The following TBCD variants were observed in gnomAD, a reference collection of about 807,000 sequenced individuals.
TBCD encodes tubulin-specific chaperone D.
In TBCD, 105 loss-of-function variants were observed where a neutral mutation model predicts 169.3. The ratio of observed to expected loss-of-function variants is 0.62; its 90% CI spans 0.53 to 0.73. The LOEUF is 0.73. Among genes scored for constraint, TBCD ranks in the 30% least tolerant of loss-of-function variants. TBCD has a pLI of 0.00. For synonymous variants in TBCD, 700 were observed against 643.9 expected, an observed-to-expected ratio of 1.09 and a Z score of -1.32; for missense variants, 1,444 against 1,600.1, an observed-to-expected ratio of 0.90 and a Z score of 1.66.
intron 7 of TBCD, among the ~76,000 whole-genome samples, chr17:82,796,921 T>C (rs1353246106): frequency 6.6e-6 from 1 of 152,184 alleles, no homozygotes. Context: ...CATTTTTCCG[T>C]GTGGTGGGCG....
At chr17:82,813,655 CAT>C (rs1196684524) in intron 12 of TBCD, among the ~76,000 whole-genome samples, 1 of 152,320 alleles carries the variant, frequency 6.6e-6, no homozygotes, top group South Asian at 2.1e-4. Flanking sequence ...TTGTCAAGTT[CAT>C]TCAGATGTTA....
At chr17:82,860,614 C>T (rs2056675204) in intron 13 of TBCD, among the ~76,000 whole-genome samples, 1 of 152,196 alleles carries the variant, frequency 6.6e-6, no homozygotes, top group African/African-American at 2.4e-5. Context: ...AGTGGAGAGC[C>T]AGCAGACGCC....
chr17:82,830,031 G>T, intron 13 of TBCD: 2 of 1,519,334 alleles, frequency 1.3e-6, no homozygotes, highest in Non-Finnish European at 9.0e-7. Flanking sequence ...TTGAGAAGCA[G>T]CAGCTGCATT....
chr17:82,928,489 G>C (rs760534983), intron 30 of TBCD, among the ~76,000 whole-genome samples: 1 of 151,512 alleles, frequency 6.6e-6, no homozygotes, highest in East Asian at 1.9e-4. Context: ...TCTCTCTGTC[G>C]GGGGCACTGA....
rs148797097 is a variant in TBCD, at chr17:82,784,717, C to G, written c.771+2996C>G. The stretch of plus-strand genomic sequence containing the variant: ...CTTAATGTTTGTGATGCTGGGTGTA[C>G]AGACAGCCTCCCACATGACCAAGGA... On this transcript the variant is annotated intron_variant, in intron 7 of 38. Transcript: ENST00000355528. Among the ~76,000 whole-genome samples, 242 of 152,258 alleles carry G rather than the reference C, an allele frequency of 1.6e-3. 1 individual carries two copies. Among genetic ancestry groups the G allele is most frequent in the African/African-American group, 5.5e-3 (228 of 41,538 alleles).
At chr17:82,867,207 G>A (rs2057232991) in intron 13 of TBCD, among the ~76,000 whole-genome samples, 1 of 152,218 alleles carries the variant, frequency 6.6e-6, no homozygotes, top group Non-Finnish European at 1.5e-5. Flanking sequence ...CTCCCTTGGG[G>A]GCTTCTCACA....
chr17:82,776,758 C>T (rs900802049), intron 6 of TBCD, among the ~76,000 whole-genome samples: 1 of 152,152 alleles, frequency 6.6e-6, no homozygotes, highest in African/African-American at 2.4e-5. Flanking sequence ...GGTTCCAGGA[C>T]ACGAGAGTGG....
chr17:82,816,879 A>G, intron 13 of TBCD, among the ~76,000 whole-genome samples: 1 of 144,920 alleles, frequency 6.9e-6, no homozygotes, highest in Non-Finnish European at 1.5e-5. Context: ...AAGCCGTCCT[A>G]GTGAGTGTGA....
intron 13 of TBCD, chr17:82,830,824 A>G (rs1169538851): frequency 6.2e-7 from 1 of 1,613,242 alleles, no homozygotes; most frequent in South Asian, 1.1e-5. Flanking sequence ...GGCCTCCGAG[A>G]CGAGAGAGGC....
At chr17:82,926,975 T>G in intron 28 of TBCD, 1 of 670,820 alleles carries the variant, frequency 1.5e-6, no homozygotes, top group Non-Finnish European at 2.4e-6. Flanking sequence ...CCATCCACCT[T>G]TCAACCGGAG....
intron 6 of TBCD, among the ~76,000 whole-genome samples, chr17:82,776,408 C>CA (rs1223102731): frequency 6.6e-6 from 1 of 151,574 alleles, no homozygotes; most frequent in East Asian, 1.9e-4. Flanking sequence ...GACCCTGTCT[C>CA]AAAAAAAAGT....
At chr17:82,774,019 G>A (rs978306617) in intron 6 of TBCD, among the ~76,000 whole-genome samples, 15 of 150,288 alleles carry the variant, frequency 1.0e-4, no homozygotes, top group African/African-American at 4.9e-5. Flanking sequence ...GTGAGCCACC[G>A]CGCCTGGCCC....
chr17:82,872,091 A>G (rs1299800405), intron 14 of TBCD, among the ~76,000 whole-genome samples: 1 of 152,258 alleles, frequency 6.6e-6, no homozygotes, highest in Admixed American at 6.5e-5. Context: ...CTGGGTGTGC[A>G]GCACGTGGCC....
Position 82,930,672 on chromosome 17 carries a change from G to A in TBCD, c.3113+29G>A. The A allele has an allele frequency of 6.2e-7, 1 of 1,613,746 alleles. No individual in the cohort carries two copies. Among genetic ancestry groups the A allele is most frequent in the African/African-American group, 1.3e-5 (1 of 75,044 alleles). ...AGTGGTGTCTCTTGGGGCCTCAGAGGCGTGAGTGGTGCTGGTGCCTCTCAC... is the reference window on the plus strand; with the variant it reads ...AGTGGTGTCTCTTGGGGCCTCAGAGACGTGAGTGGTGCTGGTGCCTCTCAC... On this transcript the variant is annotated intron_variant, in intron 33 of 38. Coordinates refer to ENST00000355528, the MANE Select transcript of TBCD (RefSeq NM_005993.5). This position sits in a 1 kb window ranked among gnomAD's most constrained non-coding sequence, Gnocchi z 5.2.
intron 17 of TBCD, among the ~76,000 whole-genome samples, chr17:82,894,389 G>C (rs1408847264): frequency 6.6e-6 from 1 of 152,142 alleles, no homozygotes; most frequent in Admixed American, 6.5e-5. Context: ...GTGACTTTAT[G>C]AAGTGATTTA....
chr17:82,909,817 G>A (rs2060501325), intron 22 of TBCD, among the ~76,000 whole-genome samples: 1 of 152,250 alleles, frequency 6.6e-6, no homozygotes, highest in Admixed American at 6.5e-5. Flanking sequence ...GCAGGGGTGT[G>A]GCCTCCCCAA....
intron 13 of TBCD, among the ~76,000 whole-genome samples, chr17:82,863,136 T>C (rs1209203929): frequency 2.0e-5 from 3 of 152,224 alleles, no homozygotes; most frequent in African/African-American, 7.2e-5. Context: ...GGGACCAAGC[T>C]GTGGGAACCA....
rs962801098 is a variant in TBCD at position 82,807,810 on chromosome 17, C to T, written c.1148+142C>T. On this transcript the variant is annotated intron_variant, in intron 11 of 38. Transcript: ENST00000355528. ...CCTCCAACTTATGTGTGTTGCTTTA[C>T]GTGTTGGCGTGAAGATGGTTCCCGA... The T allele has an allele frequency of 1.3e-5, 7 of 548,536 alleles. 1 individual carries two copies. In the South Asian group the frequency reaches 1.7e-4, roughly 13 times the overall value. 34.0% of individuals were successfully genotyped at this position (548,536 alleles called of 1,614,324 possible). A position where few individuals can be genotyped will look rare whatever the true frequency, so the allele number is the denominator to read the frequency against.
rs561377566 is a variant in TBCD, at chr17:82,905,840, C to T, written c.1805-96C>T. The T allele has an allele frequency of 8.3e-5, 80 of 961,064 alleles. 1 individual carries two copies. The highest frequency in any genetic ancestry group is 1.2e-4 in the Non-Finnish European group (76 of 637,688). 59.5% of individuals were successfully genotyped at this position (961,064 alleles called of 1,614,324 possible). On this transcript the variant is annotated intron_variant, in intron 19 of 38. Transcript: ENST00000355528. ...GGCCGTCCGTGTGTGCACGCCGTCG[C>T]CTGCCCTCCCGGCCCTGTGTGGGTG... is the stretch of plus-strand genomic sequence containing the variant.
Sources: allele counts gnomAD v4.1 joint callset (sites outside exome capture counted in the v4.1 genomes callset), GRCh38; gene constraint gnomAD v4.1.1; non-coding constraint Gnocchi (gnomAD v3.1); transcripts MANE v1.5; gene names NCBI Gene and HGNC (gene_info 2026-07-23, HGNC 2026-07-21).